Variants in MYO19 observed in about 807,000 individuals in gnomAD.
MYO19 encodes myosin XIX.
A neutral mutation model predicts 129.2 loss-of-function variants in MYO19; 132 were observed. The observed-to-expected ratio is 1.02, with a 90% CI of 0.89 to 1.18. MYO19 has a LOEUF of 1.18. Ranked by LOEUF, MYO19 falls within the 50% of genes most tolerant of loss-of-function variation. The probability of loss-of-function intolerance (pLI) is 0.00; values close to 1 mark genes in which losing one functional copy is unlikely to be tolerated. For synonymous variants in MYO19, 531 were observed against 477.2 expected (o/e 1.11, Z -1.47); for missense variants, 1,210 against 1,216.7 (o/e 0.99, Z 0.08).
At position 36,496,372 on chromosome 17, in the gene MYO19, A is replaced by C; in HGVS notation, c.2792T>G (p.Leu931Arg). Reference protein sequence around the residue: ...SIKFHCRKSPLRYADICPEPS... With the variant: ...SIKFHCRKSPRRYADICPEPS... Reference sequence around the variant, plus strand: ...TTCAGGGCAGATGTCAGCATACCGCAGTGGAGACTTTCTGCAGTGAAACTT... The same window carrying C: ...TTCAGGGCAGATGTCAGCATACCGCCGTGGAGACTTTCTGCAGTGAAACTT... Residue 931 changes from leucine to arginine, a missense_variant, in exon 26 of 26, where the codon CTG becomes CGG. Transcript: ENST00000614623. 6.2e-7 allele frequency: 1 copy of C among 1,614,036 alleles called. No homozygotes were observed. The highest frequency in any genetic ancestry group is 8.5e-7 in the Non-Finnish European group (1 of 1,179,900).
At position 36,505,378 on chromosome 17, in the gene MYO19, G is replaced by A. The variant is rs747728256; in HGVS notation, c.1824C>T (p.Val608=). Residue 608 remains valine, a synonymous_variant, in exon 19 of 26, where the codon GTC becomes GTT. Transcript: ENST00000614623. ...FKASLEQLLQ[V]LHSTTPHYIR... is the part of the protein sequence containing the mutation. ...TGTAGTGGGGCGTGGTGCTGTGTAG[G>A]ACCTGCAGAAGCTGCTCCAGTGAGG... 1.2e-6 allele frequency: 2 copies of A among 1,614,214 alleles called. No individual in the cohort carries two copies. The highest frequency in any genetic ancestry group is 1.1e-5 in the South Asian group (1 of 91,086).
At position 36,513,473 on chromosome 17, in the gene MYO19, G is replaced by C; in HGVS notation, c.850C>G (p.Leu284Val). 1 of 1,614,006 alleles carries C rather than the reference G, an allele frequency of 6.2e-7. No homozygotes were observed. Among genetic ancestry groups the C allele is most frequent in the Non-Finnish European group, 8.5e-7 (1 of 1,179,888 alleles). Reference sequence around the variant, plus strand: ...GTAGGGGTGTCAATGCCCAAATGGAGCATGGCCTCTCTGGTCACCTCAAAA... The same window carrying C: ...GTAGGGGTGTCAATGCCCAAATGGACCATGGCCTCTCTGGTCACCTCAAAA... ...DCFEVTREAM[L>V]HLGIDTPTQN... is the part of the protein sequence containing the mutation. Residue 284 changes from leucine to valine, a missense_variant, in exon 11 of 26, where the codon CTC becomes GTC. Physicochemically the swap from Leu to Val is conservative, Grantham distance 32. Transcript: ENST00000614623.
At chr17:36,538,730 C>T, upstream of MYO19, 1 of 921,650 alleles carries the variant, frequency 1.1e-6, no homozygotes, top group South Asian at 1.9e-5. Context: ...AAAATAGTTT[C>T]AGTCATCTAA....
chr17:36,506,425 C>T (rs777301112), intron 18 of MYO19, 31 bp downstream of exon 18: 3 of 1,613,608 alleles, frequency 1.9e-6, no homozygotes, highest in East Asian at 4.5e-5. Context: ...GAGTTTGAAC[C>T]AAGCACCTCC....
upstream of MYO19, chr17:36,537,817 T>C (rs1389091525): frequency 6.2e-7 from 1 of 1,614,180 alleles, no homozygotes; most frequent in Non-Finnish European, 8.5e-7. Flanking sequence ...TGGAACTTTT[T>C]CTTTACCATA....
intron 18 of MYO19, 81 bp downstream of exon 18, chr17:36,506,375 C>A: frequency 6.3e-7 from 1 of 1,581,030 alleles, no homozygotes; most frequent in Non-Finnish European, 8.7e-7. Flanking sequence ...CAAACAGCAC[C>A]GATCCCGGCA....
chr17:36,520,476 C>T (rs1304443707), intron 6 of MYO19, among the ~76,000 whole-genome samples: 1 of 152,108 alleles, frequency 6.6e-6, no homozygotes, highest in Non-Finnish European at 1.5e-5. Context: ...GTACAGTTGA[C>T]CCTTGAAAAC....
chr17:36,534,488 C>A (rs1456233564), intron 1 of MYO19, among the ~76,000 whole-genome samples: 1 of 152,150 alleles, frequency 6.6e-6, no homozygotes, highest in Non-Finnish European at 1.5e-5. Flanking sequence ...AAGAGTGGAG[C>A]AAGGACCCTC....
At chr17:36,504,191 GAAAAC>G in intron 19 of MYO19, 171 bp from the exon 20 acceptor site, 1 of 527,426 alleles carries the variant, frequency 1.9e-6, no homozygotes, top group South Asian at 2.8e-5. Context: ...GAGGGACCTT[GAAAAC>G]AAATCTCCCA....
rs2306592 is a variant in MYO19, at chr17:36,504,239, T to C, written c.1906-219A>G. ...GGGTCCTGGTGGTCCCAAGTCCCCC[T>C]CATCCGACGCATGGCTTCTGATACA... On this transcript the variant is annotated intron_variant, in intron 19 of 25. Transcript: ENST00000614623. 40 of 501,908 alleles carry C rather than the reference T, an allele frequency of 8.0e-5. No homozygotes were observed. The East Asian group carries it at 1.3e-3, about 17-fold the overall frequency. The allele number at this position is 501,908 out of a possible 1,614,324, so 31.1% of individuals were successfully genotyped here. A position where few individuals can be genotyped will look rare whatever the true frequency, so the allele number is the denominator to read the frequency against.
chr17:36,527,634 C>T lies in MYO19; in HGVS notation c.217G>A (p.Val73Ile), dbSNP rs756134546. The T allele has an allele frequency of 1.2e-6, 2 of 1,613,798 alleles. No homozygotes were observed. Among genetic ancestry groups the T allele is most frequent in the South Asian group, 2.2e-5 (2 of 91,080 alleles). Residue 73 changes from valine to isoleucine, a missense_variant, in exon 5 of 26, where the codon GTA becomes ATA. Val to Ile is a conservative substitution (Grantham distance 29). Transcript: ENST00000614623. ...TFYTNAGCTL[V>I]ALNPFKPVPQ... ...ACAGGCTTGAAGGGGTTCAAGGCTA[C>T]CAGGGTGCAGCCAGCATTGGTGTAG...
intron 6 of MYO19, among the ~76,000 whole-genome samples, chr17:36,518,421 G>A (rs1185250787): frequency 7.3e-6 from 1 of 137,824 alleles, no homozygotes; most frequent in Non-Finnish European, 1.5e-5. Context: ...CTTGAACCCA[G>A]GAGGTGGAGG....
In MYO19 at chr17:36,509,071, T is replaced by A; in HGVS notation, c.1222A>T (p.Thr408Ser). Residue 408 changes from threonine to serine, a missense_variant, in exon 14 of 26, where the codon ACT becomes TCT. Coordinates refer to ENST00000614623, the MANE Select transcript of MYO19 (RefSeq NM_001163735.2). ...SICADTDSWTTFIGLLDVYGF... is the reference protein window; with the variant it reads ...SICADTDSWTSFIGLLDVYGF... ...AGTGAGGCCTTGCTACCTATGAAAG[T>A]GGTCCACGAGTCGGTGTCTGCACAG... 5.0e-6 allele frequency: 8 copies of A among 1,613,734 alleles called. No individual in the cohort carries two copies. The highest frequency in any genetic ancestry group is 6.8e-6 in the Non-Finnish European group (8 of 1,179,810).
rs796356015 is a variant in MYO19 at position 36,513,036 on chromosome 17, G to A, written c.894+393C>T. 5.5e-6 allele frequency: 6 copies of A among 1,096,464 alleles called. No individual in the cohort carries two copies. In the Admixed American group the frequency reaches 2.0e-4, roughly 37 times the overall value. 67.9% of individuals were successfully genotyped at this position (1,096,464 alleles called of 1,614,324 possible). On this transcript the variant is annotated intron_variant, in intron 11 of 25. Transcript: ENST00000614623. ...TCTCTGGTTTTCTCAGGCATAAAGG[G>A]AAATAAACACACACAGAGGACTGTT...
intron 3 of MYO19, 121 bp downstream of exon 3, chr17:36,532,406 A>T: frequency 8.4e-7 from 1 of 1,196,116 alleles, no homozygotes; most frequent in Non-Finnish European, 1.2e-6. Flanking sequence ...AAGGCACTGG[A>T]GAGACAATTT....
At position 36,528,113 on chromosome 17, in the gene MYO19, C is replaced by A. The variant is rs374488937; in HGVS notation, c.102G>T (p.Leu34=). Reference sequence around the variant, plus strand: ...CCCTGGTGAGGTCATCCAGTTTGTACAGCAGGACCTCCCCACCCAGGAACT... The same window carrying A: ...CCCTGGTGAGGTCATCCAGTTTGTAAAGCAGGACCTCCCCACCCAGGAACT... The part of the protein sequence containing the change: ...LQEFLGGEVL[L]YKLDDLTRVN... The change falls in exon 4 of 26, where the codon CTG becomes CTT. Residue 34 remains leucine (L), a synonymous_variant. Transcript: ENST00000614623. 280 of 1,613,804 alleles carry A rather than the reference C, an allele frequency of 1.7e-4. No individual in the cohort carries two copies. The highest frequency in any genetic ancestry group is 5.3e-4 in the Admixed American group (32 of 59,992).
At chr17:36,500,498 G>T (rs919182281) in intron 23 of MYO19, 1 of 285,350 alleles carries the variant, frequency 3.5e-6, no homozygotes, top group Non-Finnish European at 6.6e-6. Flanking sequence ...CTAGAGCCCA[G>T]CAGGTAATGG....
chr17:36,507,958 G>A, intron 14 of MYO19, 34 bp from the exon 15 acceptor site: 1 of 1,563,110 alleles, frequency 6.4e-7, no homozygotes. Flanking sequence ...TGGGGCCACT[G>A]CAGGGAGCAG....
chr17:36,527,896 CCAGGTG>C (rs1483555765), intron 4 of MYO19, among the ~76,000 whole-genome samples, 162 bp downstream of exon 4: 1 of 152,166 alleles, frequency 6.6e-6, no homozygotes, highest in African/African-American at 2.4e-5. Flanking sequence ...CCTGGGGAGC[CCAGGTG>C]CAGCTGTCAT....
Sources: gnomAD v4.1 joint callset for allele counts (sites outside exome capture counted in the v4.1 genomes callset) on GRCh38, gnomAD v4.1.1 for gene constraint, MANE v1.5 for transcripts, NCBI Gene and HGNC (gene_info 2026-07-23, HGNC 2026-07-21) for gene names.